Variants in RANBP3 observed in about 807,000 individuals in gnomAD.
RANBP3 encodes ran-binding protein 3.
A neutral mutation model predicts 77.3 loss-of-function variants in RANBP3; 14 were observed. The observed-to-expected ratio is 0.18, with a 90% confidence interval of 0.12 to 0.28. The LOEUF (loss-of-function observed/expected upper bound fraction) is 0.28. RANBP3 is among the 10% of genes least tolerant of loss of function. RANBP3 has a pLI of 1.00. For missense variants in RANBP3, 586 were observed against 752.3 expected (o/e 0.78, Z 2.59); for synonymous variants, 315 against 312.4 (o/e 1.01, Z -0.09).
chr19:5,944,235 A>AG (rs1335964690), intron 3 of RANBP3, among the ~76,000 whole-genome samples: 7 of 152,204 alleles, frequency 4.6e-5, no homozygotes, highest in African/African-American at 1.7e-4. Flanking sequence ...AGGCATGAAT[A>AG]GGGAGTCAGG....
At chr19:5,942,193 AC>A (rs2058146729) in intron 3 of RANBP3, among the ~76,000 whole-genome samples, 1 of 151,512 alleles carries the variant, frequency 6.6e-6, no homozygotes, top group Admixed American at 6.6e-5. Context: ...CTGAAAAGCG[AC>A]CCTCTCCACC....
intron 14 of RANBP3, chr19:5,920,984 G>A (rs1161197411): frequency 1.4e-5 from 6 of 415,020 alleles, no homozygotes; most frequent in South Asian, 5.5e-5. Context: ...AGAGGGTCAC[G>A]GACGAGCTGG....
At chr19:5,925,178 C>G (rs1038760297) in intron 10 of RANBP3, 37 of 521,416 alleles carry the variant, frequency 7.1e-5, no homozygotes, top group African/African-American at 6.7e-4. Context: ...TCGGGACACG[C>G]TTTCTTCTGA....
intron 8 of RANBP3, among the ~76,000 whole-genome samples, chr19:5,929,005 T>C (rs2057951281): frequency 6.6e-6 from 1 of 152,134 alleles, no homozygotes. Flanking sequence ...TGAAGGGACC[T>C]GACAACCGTG....
intron 9 of RANBP3, among the ~76,000 whole-genome samples, 183 bp from the exon 10 acceptor site, chr19:5,925,920 C>A (rs545444520): frequency 2.0e-5 from 3 of 152,262 alleles, no homozygotes; most frequent in African/African-American, 7.2e-5. Flanking sequence ...ACTCCATCAC[C>A]TTTTGCTTTA....
rs147822232 is a variant in RANBP3 at position 5,959,765 on chromosome 19, C to T, written c.23-1792G>A. Among the ~76,000 whole-genome samples, 11 of 152,238 alleles carry T rather than the reference C, an allele frequency of 7.2e-5. No homozygotes were observed. The highest frequency in any genetic ancestry group is 1.3e-4 in the Admixed American group (2 of 15,288). On this transcript the variant is annotated intron_variant, in intron 1 of 16. Coordinates refer to ENST00000340578, the MANE Select transcript of RANBP3 (RefSeq NM_007322.3). The surrounding 1 kb of genome is among the most constrained non-coding windows in gnomAD (Gnocchi z 5.1). ...TGCCACCAGGATCCTAGAGGTCTTC[C>T]GGTGCCACGCCTGTACCCCACAAGC...
intron 15 of RANBP3, 128 bp from the exon 16 acceptor site, chr19:5,918,108 T>C (rs370911215): frequency 1.2e-5 from 13 of 1,094,500 alleles, no homozygotes; most frequent in East Asian, 2.6e-5. Context: ...GGGAGGCCAT[T>C]GGCCCTGGGC....
At chr19:5,931,232 G>A (rs1465089774) in intron 8 of RANBP3, among the ~76,000 whole-genome samples, 172 bp downstream of exon 8, 1 of 152,204 alleles carries the variant, frequency 6.6e-6, no homozygotes, top group Non-Finnish European at 1.5e-5. Context: ...GGTTTGTCAG[G>A]TACTGTTATT....
chr19:5,953,972 A>C (rs1394385575), intron 2 of RANBP3, among the ~76,000 whole-genome samples: 1 of 152,254 alleles, frequency 6.6e-6, no homozygotes, highest in Non-Finnish European at 1.5e-5. Flanking sequence ...CACGCAGGCC[A>C]CGGTCCCAAT....
intron 3 of RANBP3, among the ~76,000 whole-genome samples, chr19:5,943,577 A>G (rs1257311276): frequency 6.6e-6 from 1 of 152,228 alleles, no homozygotes; most frequent in Non-Finnish European, 1.5e-5. Flanking sequence ...TTGAAGTCAC[A>G]TAGCTCGTTC....
At chr19:5,945,164 G>T (rs1177656150) in intron 3 of RANBP3, among the ~76,000 whole-genome samples, 2 of 152,198 alleles carry the variant, frequency 1.3e-5, no homozygotes, top group Non-Finnish European at 2.9e-5. Flanking sequence ...TTTAGCATTT[G>T]TTCAACAAAA....
At chr19:5,974,176 C>T (rs1479049025) in intron 1 of RANBP3, among the ~76,000 whole-genome samples, 1 of 152,164 alleles carries the variant, frequency 6.6e-6, no homozygotes, top group Non-Finnish European at 1.5e-5. Context: ...ACGCACAGGA[C>T]AGCCCCTCCC....
chr19:5,951,465 G>A lies in RANBP3; in HGVS notation c.210C>T (p.Gly70=), dbSNP rs773808154. ...EHALEPPAPA[G]ASASTPPPPA... ...GAGGCGGAGGAGTGCTGGCTGAGGC[G>A]CCAGCAGGGGCAGGAGGTTCTAGGG... The change falls in exon 3 of 17, where the codon GGC becomes GGT. Residue 70 remains glycine (G), a synonymous_variant. Coordinates refer to ENST00000340578, the MANE Select transcript of RANBP3 (RefSeq NM_007322.3). 1.0e-5 allele frequency: 16 copies of A among 1,606,770 alleles called. No individual in the cohort carries two copies. Among genetic ancestry groups the A allele is most frequent in the Non-Finnish European group, 1.4e-5 (16 of 1,176,706 alleles).
At chr19:5,960,633 A>G (rs1050973935) in intron 1 of RANBP3, among the ~76,000 whole-genome samples, 3 of 152,236 alleles carry the variant, frequency 2.0e-5, no homozygotes, top group African/African-American at 4.8e-5. Flanking sequence ...TGTGAGGCGA[A>G]GACACTTGGT....
chr19:5,961,662 C>T (rs1311643268), intron 1 of RANBP3, among the ~76,000 whole-genome samples: 3 of 151,720 alleles, frequency 2.0e-5, no homozygotes, highest in East Asian at 1.9e-4. Context: ...GAACCTGGGA[C>T]GCAGAGGTTG....
At chr19:5,948,877 C>T (rs1455834040) in intron 3 of RANBP3, among the ~76,000 whole-genome samples, 1 of 152,144 alleles carries the variant, frequency 6.6e-6, no homozygotes, top group African/African-American at 2.4e-5. Context: ...AGTGAGTGCC[C>T]AGAGCTGCCT....
intron 1 of RANBP3, among the ~76,000 whole-genome samples, chr19:5,967,847 C>T (rs1448169115): frequency 2.0e-5 from 3 of 152,086 alleles, no homozygotes; most frequent in African/African-American, 4.8e-5. Context: ...ATGGTGAAAT[C>T]GTGTCTCTAC....
chr19:5,977,800 T>C (rs1335029690), intron 1 of RANBP3, among the ~76,000 whole-genome samples: 1 of 152,116 alleles, frequency 6.6e-6, no homozygotes, highest in Non-Finnish European at 1.5e-5. Flanking sequence ...AGAGGGGCCT[T>C]AGGGCTGCGA....
intron 9 of RANBP3, among the ~76,000 whole-genome samples, chr19:5,926,973 G>A (rs1470800611): frequency 1.3e-5 from 2 of 152,114 alleles, no homozygotes; most frequent in Non-Finnish European, 2.9e-5. Flanking sequence ...TGTTGACACT[G>A]GGCCCAGAAC....
Sources: allele counts gnomAD v4.1 joint callset (sites outside exome capture counted in the v4.1 genomes callset), GRCh38; gene constraint gnomAD v4.1.1; non-coding constraint Gnocchi (gnomAD v3.1); transcripts MANE v1.5; gene names NCBI Gene and HGNC (gene_info 2026-07-23, HGNC 2026-07-21).